FAT3: variants seen among roughly 807,000 people sequenced by gnomAD.
The protein encoded by FAT3 is FAT atypical cadherin 3.
In FAT3, 95 loss-of-function variants were observed where a neutral mutation model predicts 310.2. The ratio of observed to expected loss-of-function variants is 0.31; its 90% CI spans 0.26 to 0.36. The LOEUF (loss-of-function observed/expected upper bound fraction) is 0.36, where lower values mean the gene tolerates loss of function less well. FAT3 is among the 10% of genes least tolerant of loss of function. The pLI is 1.00. For synonymous variants in FAT3, 2,314 were observed against 2,192.9 expected, an observed-to-expected ratio of 1.06 and a Z score of -1.54; for missense variants, 5,408 against 5,715.6, an observed-to-expected ratio of 0.95 and a Z score of 1.74.
chr11:92,814,978 A>C (rs188755184), intron 13 of FAT3, among the ~76,000 whole-genome samples: 79 of 152,326 alleles, frequency 5.2e-4, no homozygotes, highest in East Asian at 3.7e-3. Context: ...GTGTGGACCC[A>C]ACTAAATAGT....
intron 1 of FAT3, among the ~76,000 whole-genome samples, chr11:92,293,013 AAAGGAAGGAAGGAAGGAAGGAAGGAAGG>A (rs71477581): frequency 0.049 from 5,391 of 110,442 alleles, 169 homozygotes; most frequent in African/African-American, 0.057. Context: ...GAGACTCTGC[AAAGGAAGGAAGGAAGGAAGGAAGGAAGG>A]AAGGAAGGAA....
chr11:92,674,614 C>T (rs1038232676), intron 3 of FAT3, among the ~76,000 whole-genome samples: 2 of 151,990 alleles, frequency 1.3e-5, no homozygotes, highest in African/African-American at 2.4e-5. Context: ...CCTTGAACTC[C>T]AGGGCTCAAG....
At chr11:92,425,986 T>G (rs1950623918) in intron 2 of FAT3, among the ~76,000 whole-genome samples, 2 of 152,202 alleles carry the variant, frequency 1.3e-5, no homozygotes, top group South Asian at 4.1e-4. Context: ...TTGAACTAAT[T>G]TACACTCCCA....
chr11:92,639,907 T>C (rs1386524991), intron 3 of FAT3, among the ~76,000 whole-genome samples: 2 of 152,132 alleles, frequency 1.3e-5, no homozygotes, highest in Non-Finnish European at 2.9e-5. Context: ...CATTGGTTCA[T>C]GAGTTTGATG....
intron 2 of FAT3, among the ~76,000 whole-genome samples, chr11:92,411,691 C>A (rs186616155): frequency 6.6e-6 from 1 of 151,986 alleles, no homozygotes; most frequent in Non-Finnish European, 1.5e-5. Context: ...AAGCAAAGTT[C>A]GCAAAGTCAT....
intron 2 of FAT3, among the ~76,000 whole-genome samples, chr11:92,456,016 G>C (rs1478264992): frequency 1.3e-5 from 2 of 152,112 alleles, no homozygotes; most frequent in African/African-American, 4.8e-5. Context: ...TTGTGGCTTG[G>C]GTTGTTGAAC....
chr11:92,228,877 G>T (rs902125322), intron 1 of FAT3, among the ~76,000 whole-genome samples: 1 of 152,148 alleles, frequency 6.6e-6, no homozygotes, highest in Non-Finnish European at 1.5e-5. Context: ...TCATCCCCAG[G>T]TTTTTCTTTT....
At chr11:92,658,439 C>G (rs1942657499) in intron 3 of FAT3, among the ~76,000 whole-genome samples, 1 of 152,116 alleles carries the variant, frequency 6.6e-6, no homozygotes, top group Non-Finnish European at 1.5e-5. Context: ...CAGCATCATT[C>G]ACAGCATGGT....
chr11:92,519,502 A>T (rs927041226), intron 2 of FAT3, among the ~76,000 whole-genome samples: 1 of 152,104 alleles, frequency 6.6e-6, no homozygotes, highest in Non-Finnish European at 1.5e-5. Flanking sequence ...ATACCAAAAC[A>T]TGACCTATAA....
intron 4 of FAT3, among the ~76,000 whole-genome samples, chr11:92,760,580 A>C (rs1056834581): frequency 2.0e-5 from 3 of 152,208 alleles, no homozygotes. Flanking sequence ...AATTTCCAAA[A>C]GTTTAATACC....
At chr11:92,621,605 A>T (rs759135955) in intron 3 of FAT3, among the ~76,000 whole-genome samples, 1 of 152,336 alleles carries the variant, frequency 6.6e-6, no homozygotes, top group Middle Eastern at 3.4e-3. Flanking sequence ...TCCACAGCAC[A>T]TGCAGCTCAT....
intron 2 of FAT3, among the ~76,000 whole-genome samples, chr11:92,383,286 C>T (rs1949541965): frequency 6.6e-6 from 1 of 152,150 alleles, no homozygotes; most frequent in African/African-American, 2.4e-5. Context: ...GTGAATACTG[C>T]TGCAATGAAC....
chr11:92,486,238 T>C (rs1046927403), intron 2 of FAT3, among the ~76,000 whole-genome samples: 2 of 149,572 alleles, frequency 1.3e-5, no homozygotes, highest in African/African-American at 4.9e-5. Flanking sequence ...GCTTTTACTA[T>C]GGATTGGTTA....
intron 2 of FAT3, among the ~76,000 whole-genome samples, chr11:92,484,973 G>T (rs997365604): frequency 6.6e-6 from 1 of 152,320 alleles, no homozygotes. Flanking sequence ...GCACACATAT[G>T]TATTTGTATA....
At chr11:92,871,202 T>C (rs1376156759) in intron 22 of FAT3, among the ~76,000 whole-genome samples, 1 of 152,248 alleles carries the variant, frequency 6.6e-6, no homozygotes, top group Non-Finnish European at 1.5e-5. Context: ...GGTATTGGTT[T>C]ATATTTTTTT....
intron 2 of FAT3, among the ~76,000 whole-genome samples, chr11:92,495,222 C>A (rs1952718896): frequency 6.6e-6 from 1 of 152,018 alleles, no homozygotes; most frequent in African/African-American, 2.4e-5. Context: ...GTAGACAGAA[C>A]AAGGGACAGT....
rs144958943 is a variant in FAT3, at chr11:92,284,280, C to G, written c.-18+59106C>G. On this transcript the variant is annotated intron_variant, in intron 1 of 27. Coordinates refer to ENST00000525166, the MANE Select transcript of FAT3 (RefSeq NM_001367949.2). ...GGAAAGTGTAAAAGGGTAACGCCTC[C>G]GAGAACTACAGGGAGTGTTTCCGTT... Among the ~76,000 whole-genome samples the G allele has an allele frequency of 3.3e-3, 508 of 151,898 alleles. 3 individuals carry two copies. Among genetic ancestry groups the G allele is most frequent in the Middle Eastern group, 0.014 (4 of 292 alleles).
intron 3 of FAT3, among the ~76,000 whole-genome samples, chr11:92,635,158 C>T (rs922319778): frequency 2.6e-5 from 4 of 152,138 alleles, no homozygotes; most frequent in Non-Finnish European, 2.9e-5. Context: ...CTGGGGCAGT[C>T]CTTGTGCTGC....
intron 1 of FAT3, among the ~76,000 whole-genome samples, chr11:92,328,690 T>C (rs993430818): frequency 6.6e-6 from 1 of 152,210 alleles, no homozygotes; most frequent in Non-Finnish European, 1.5e-5. Flanking sequence ...ATAATGACTT[T>C]AGAAGTTGAC....
Sources: allele counts gnomAD v4.1 joint callset (sites outside exome capture counted in the v4.1 genomes callset), GRCh38; gene constraint gnomAD v4.1.1; transcripts MANE v1.5; gene names NCBI Gene and HGNC (gene_info 2026-07-23, HGNC 2026-07-21).